TBL1XR1: variants seen among roughly 807,000 people sequenced by gnomAD.
TBL1XR1 encodes the protein F-box-like/WD repeat-containing protein TBL1XR1.
A neutral mutation model predicts 66.9 loss-of-function variants in TBL1XR1; 5 were observed. The ratio of observed to expected loss-of-function variants is 0.07; its 90% confidence interval spans 0.04 to 0.16. The LOEUF is 0.16. Ranked by LOEUF, TBL1XR1 falls within the 10% of genes least tolerant of loss-of-function variation. The pLI, the probability that TBL1XR1 is intolerant of heterozygous loss-of-function variation, is 1.00. For missense variants in TBL1XR1, 238 were observed against 623.2 expected (o/e 0.38, Z 6.58); for synonymous variants, 210 against 206.0 (o/e 1.02, Z -0.17).
At chr3:177,133,356 T>C (rs1015305685) in intron 1 of TBL1XR1, among the ~76,000 whole-genome samples, 2 of 152,158 alleles carry the variant, frequency 1.3e-5, no homozygotes, top group African/African-American at 4.8e-5. Flanking sequence ...ATTATCTGTA[T>C]TTACCACCCC....
chr3:177,187,740 A>G (rs1735601650), intron 1 of TBL1XR1, among the ~76,000 whole-genome samples: 2 of 145,568 alleles, frequency 1.4e-5, no homozygotes, highest in South Asian at 4.1e-4. Context: ...CAATGAGAAG[A>G]AAAGAGAAAC....
intron 2 of TBL1XR1, among the ~76,000 whole-genome samples, chr3:177,088,616 T>C (rs1346570865): frequency 6.6e-6 from 1 of 152,194 alleles, no homozygotes; most frequent in Non-Finnish European, 1.5e-5. Context: ...GCTTCCATTT[T>C]AGGCTCAGTT....
chr3:177,144,482 G>A (rs1015677807), intron 1 of TBL1XR1, among the ~76,000 whole-genome samples: 8 of 151,820 alleles, frequency 5.3e-5, no homozygotes, highest in African/African-American at 1.9e-4. Context: ...GGCCGGGCGC[G>A]GTGGCTCACG....
At chr3:177,134,945 C>CTGTGTGTGTGTGTG (rs10662042) in intron 1 of TBL1XR1, among the ~76,000 whole-genome samples, 3,742 of 129,058 alleles carry the variant, frequency 0.029, 163 homozygotes, top group South Asian at 0.081. Context: ...CACTGCAAGG[C>CTGTGTGTGTGTGTG]TGTGTGTGTG....
intron 1 of TBL1XR1, among the ~76,000 whole-genome samples, chr3:177,130,213 G>A (rs910752018): frequency 9.2e-5 from 14 of 151,480 alleles, no homozygotes; most frequent in Non-Finnish European, 1.5e-4. Flanking sequence ...TCCTTTGACC[G>A]TGAAATTCTA....
At chr3:177,168,345 AAT>A (rs1403147554) in intron 1 of TBL1XR1, among the ~76,000 whole-genome samples, 1 of 151,578 alleles carries the variant, frequency 6.6e-6, no homozygotes, top group Non-Finnish European at 1.5e-5. Context: ...GCAGTGGTGC[AAT>A]CTCGGCTCAC....
At chr3:177,168,206 G>A (rs1168117412) in intron 1 of TBL1XR1, among the ~76,000 whole-genome samples, 3 of 151,650 alleles carry the variant, frequency 2.0e-5, no homozygotes, top group East Asian at 3.9e-4. Context: ...TGTTCATTTA[G>A]GTACACAAAA....
chr3:177,098,535 G>C lies in TBL1XR1; in HGVS notation c.-115C>G, dbSNP rs1723791116. On this transcript the variant is annotated 5_prime_UTR_variant, in exon 2 of 16. Transcript: ENST00000457928. ...TCACCGCCAATCACAAGTTGCTGTT[G>C]TTGATGCTGAGGAAAAGGAAAGTAA... is the stretch of plus-strand genomic sequence containing the variant. 1.0e-6 allele frequency: 1 copy of C among 985,698 alleles called. No individual in the cohort carries two copies. Among genetic ancestry groups the C allele is most frequent in the Non-Finnish European group, 1.2e-6 (1 of 829,924 alleles). The allele number at this position is 985,698 out of a possible 1,614,324, so 61.1% of individuals were successfully genotyped here. A position where few individuals can be genotyped will look rare whatever the true frequency, so the allele number is the denominator to read the frequency against.
At chr3:177,102,146 T>C (rs949538803) in intron 1 of TBL1XR1, among the ~76,000 whole-genome samples, 5 of 152,224 alleles carry the variant, frequency 3.3e-5, no homozygotes, top group African/African-American at 7.2e-5. Flanking sequence ...TAGATGTATC[T>C]AATCTCAGTT....
intron 10 of TBL1XR1, among the ~76,000 whole-genome samples, chr3:177,044,658 G>A (rs1012552173): frequency 6.6e-6 from 1 of 152,120 alleles, no homozygotes; most frequent in Admixed American, 6.6e-5. Context: ...TTCATTTTAT[G>A]TCAACTGTAC....
intron 1 of TBL1XR1, among the ~76,000 whole-genome samples, chr3:177,120,486 C>A (rs1232746747): frequency 6.6e-6 from 1 of 152,152 alleles, no homozygotes; most frequent in African/African-American, 2.4e-5. Context: ...TTCTAACTTC[C>A]TCACTCTAAC....
intron 3 of TBL1XR1, among the ~76,000 whole-genome samples, chr3:177,058,249 C>T (rs1718058656): frequency 6.6e-6 from 1 of 152,164 alleles, no homozygotes; most frequent in Admixed American, 6.5e-5. Context: ...GCAAATTATA[C>T]TCATGTTCTC....
intron 1 of TBL1XR1, among the ~76,000 whole-genome samples, chr3:177,102,498 A>G (rs1482192723): frequency 3.3e-5 from 5 of 152,246 alleles, no homozygotes; most frequent in African/African-American, 9.6e-5. Context: ...TCTGAATTTT[A>G]AAAGATATAG....
At chr3:177,187,117 A>G (rs1219911234) in intron 1 of TBL1XR1, among the ~76,000 whole-genome samples, 1 of 150,912 alleles carries the variant, frequency 6.6e-6, no homozygotes, top group East Asian at 1.9e-4. Context: ...CCATGAGCCG[A>G]GATCGTGCCA....
chr3:177,025,871 A>C, intron 15 of TBL1XR1: 1 of 313,578 alleles, frequency 3.2e-6, no homozygotes, highest in South Asian at 4.0e-5. Flanking sequence ...CAGCATCAGT[A>C]AATAGCTACC....
intron 1 of TBL1XR1, among the ~76,000 whole-genome samples, chr3:177,179,117 C>CAAAAAA (rs71178099): frequency 4.7e-5 from 5 of 107,438 alleles, no homozygotes; most frequent in African/African-American, 1.7e-4. Flanking sequence ...AACTACGTCT[C>CAAAAAA]AAAAAAAAAA....
upstream of TBL1XR1, among the ~76,000 whole-genome samples, chr3:177,199,514 T>C (rs891097152): frequency 6.6e-6 from 1 of 152,126 alleles, no homozygotes; most frequent in African/African-American, 2.4e-5. Context: ...TTTCATATTG[T>C]GCCACCACGG....
chr3:177,160,278 T>C (rs977139208), intron 1 of TBL1XR1, among the ~76,000 whole-genome samples: 1 of 151,870 alleles, frequency 6.6e-6, no homozygotes, highest in African/African-American at 2.4e-5. Context: ...ATCTAGGCCA[T>C]CCTGGCTACC....
chr3:177,064,790 T>C (rs751532834), intron 3 of TBL1XR1, 130 bp downstream of exon 3: 1 of 655,244 alleles, frequency 1.5e-6, no homozygotes. Flanking sequence ...AGCTTTAAAA[T>C]GGCAGTCCAG....
Sources: allele counts gnomAD v4.1 joint callset (sites outside exome capture counted in the v4.1 genomes callset), GRCh38; gene constraint gnomAD v4.1.1; transcripts MANE v1.5; gene names NCBI Gene and HGNC (gene_info 2026-07-23, HGNC 2026-07-21).